The following PHTF2 variants were observed in gnomAD, a reference collection of about 807,000 sequenced individuals.
PHTF2 encodes protein PHTF2.
PHTF2 carries 60 observed loss-of-function variants against 101.2 expected under a neutral mutation model. The ratio of observed to expected loss-of-function variants is 0.59; its 90% CI spans 0.48 to 0.73. The LOEUF is 0.73. PHTF2 is among the 30% of genes least tolerant of loss of function. The pLI is 0.00. For synonymous variants in PHTF2, 311 were observed against 307.3 expected, an observed-to-expected ratio of 1.01 and a Z score of -0.13; for missense variants, 747 against 908.7, an observed-to-expected ratio of 0.82 and a Z score of 2.29.
intron 2 of PHTF2, among the ~76,000 whole-genome samples, chr7:77,851,144 C>T (rs1224427687): frequency 1.3e-5 from 2 of 151,964 alleles, no homozygotes; most frequent in Non-Finnish European, 2.9e-5. Context: ...GAAAGTATTC[C>T]CTCTTTTTCT....
chr7:77,945,338 A>G (rs1243291314), intron 16 of PHTF2, among the ~76,000 whole-genome samples: 3 of 152,252 alleles, frequency 2.0e-5, no homozygotes, highest in African/African-American at 7.2e-5. Flanking sequence ...ACTGTCTCCA[A>G]AAGGAAAAAG....
At chr7:77,944,821 A>AT (rs891967775) in intron 16 of PHTF2, among the ~76,000 whole-genome samples, 1 of 152,256 alleles carries the variant, frequency 6.6e-6, no homozygotes, top group Non-Finnish European at 1.5e-5. Context: ...CAAATGAAAA[A>AT]TACAGTTATT....
exon 17 of PHTF2, chr7:77,949,807 A>G: frequency 6.6e-7 from 1 of 1,520,992 alleles, no homozygotes. Context: ...AAAATATAGT[A>G]ATACCTCAAT....
rs1163568668 is a variant in PHTF2 at position 77,822,674 on chromosome 7, G to C, written c.-35-17547G>C. On this transcript the variant is annotated intron_variant, in intron 1 of 19. Transcript: ENST00000416283. ...TCCTGACTCTGGGCTGATCCAGTCT[G>C]GGTTGGGGAGACAGGGCTGCAGTGG... Among the ~76,000 whole-genome samples, 6 of 152,258 alleles carry C rather than the reference G, an allele frequency of 3.9e-5. No individual in the cohort carries two copies. The East Asian group carries it at 9.6e-4, about 24-fold the overall frequency.
At chr7:77,821,297 A>G (rs568049979) in intron 1 of PHTF2, among the ~76,000 whole-genome samples, 2 of 152,276 alleles carry the variant, frequency 1.3e-5, no homozygotes, top group South Asian at 4.1e-4. Context: ...CAATTTGAAT[A>G]TATTTTGCCT....
intron 1 of PHTF2, among the ~76,000 whole-genome samples, chr7:77,806,149 T>G (rs924689326): frequency 4.0e-5 from 6 of 149,508 alleles, no homozygotes; most frequent in Non-Finnish European, 5.9e-5. Context: ...CACTCTAGCC[T>G]GGGTGACTCC....
At chr7:77,815,084 A>G (rs904140013) in intron 1 of PHTF2, among the ~76,000 whole-genome samples, 1 of 152,084 alleles carries the variant, frequency 6.6e-6, no homozygotes, top group South Asian at 2.1e-4. Context: ...CAAAAATAAA[A>G]TAAAATAAAA....
At chr7:77,804,347 C>G (rs1025935079) in intron 1 of PHTF2, among the ~76,000 whole-genome samples, 2 of 152,098 alleles carry the variant, frequency 1.3e-5, no homozygotes, top group Admixed American at 6.6e-5. Context: ...TTGTTTGATA[C>G]GGAGTTTTGC....
chr7:77,854,884 C>A, intron 3 of PHTF2: 1 of 714,972 alleles, frequency 1.4e-6, no homozygotes, highest in South Asian at 1.5e-5. Flanking sequence ...AGGCTTTGCT[C>A]TGGCCCATGC....
chr7:77,848,128 G>A (rs995405191), intron 2 of PHTF2, among the ~76,000 whole-genome samples: 1 of 152,132 alleles, frequency 6.6e-6, no homozygotes, highest in Non-Finnish European at 1.5e-5. Flanking sequence ...ACTTAGGTTG[G>A]TTCCAAATCT....
Position 77,929,089 on chromosome 7 carries a change from A to T in PHTF2, c.1120-20A>T, listed in dbSNP as rs938326505. The T allele has an allele frequency of 6.4e-7, 1 of 1,570,680 alleles. No homozygotes were observed. Among genetic ancestry groups the T allele is most frequent in the African/African-American group, 1.3e-5 (1 of 74,182 alleles). The stretch of plus-strand genomic sequence containing the variant: ...AGAGTACATAAATTGTATTAATGTC[A>T]AAGAATATCTTGATTTCAGGACGCC... On this transcript the variant is annotated intron_variant, in intron 11 of 19. Coordinates refer to ENST00000416283, the Ensembl canonical transcript of PHTF2.
chr7:77,945,564 C>CA (rs1183540877), intron 16 of PHTF2, among the ~76,000 whole-genome samples: 1 of 151,228 alleles, frequency 6.6e-6, no homozygotes, highest in African/African-American at 2.4e-5. Context: ...ATGATAGCAA[C>CA]AAAAAAATCT....
intron 1 of PHTF2, among the ~76,000 whole-genome samples, chr7:77,832,597 T>C (rs13308280): frequency 6.6e-6 from 1 of 152,166 alleles, no homozygotes; most frequent in Non-Finnish European, 1.5e-5. Flanking sequence ...CTGTTTCCAT[T>C]TCTAACATCG....
intron 1 of PHTF2, among the ~76,000 whole-genome samples, chr7:77,838,760 CCTT>C (rs1391916723): frequency 6.6e-6 from 1 of 152,036 alleles, no homozygotes; most frequent in African/African-American, 2.4e-5. Flanking sequence ...TTGACTCTAA[CCTT>C]CTTTTCTTTC....
At chr7:77,848,326 C>T (rs1796470971) in intron 2 of PHTF2, among the ~76,000 whole-genome samples, 2 of 152,144 alleles carry the variant, frequency 1.3e-5, no homozygotes, top group South Asian at 2.1e-4. Context: ...TTCCTGTCAA[C>T]GATGTACAGG....
At chr7:77,933,634 G>C (rs1804811479) in intron 12 of PHTF2, among the ~76,000 whole-genome samples, 1 of 151,904 alleles carries the variant, frequency 6.6e-6, no homozygotes. Context: ...CTAACAACTG[G>C]AGTTAAGATT....
At chr7:77,947,245 CT>C (rs1229051832) in intron 16 of PHTF2, among the ~76,000 whole-genome samples, 4 of 152,072 alleles carry the variant, frequency 2.6e-5, no homozygotes, top group Admixed American at 2.6e-4. Flanking sequence ...CAGGATAAAA[CT>C]TTATTGAAAA....
chr7:77,803,921 C>G (rs1792768501), intron 1 of PHTF2, among the ~76,000 whole-genome samples: 1 of 152,032 alleles, frequency 6.6e-6, no homozygotes, highest in Non-Finnish European at 1.5e-5. Flanking sequence ...ACATCAAACT[C>G]ATTAAACCAG....
chr7:77,886,375 A>G (rs1268462132), intron 3 of PHTF2, among the ~76,000 whole-genome samples: 1 of 152,162 alleles, frequency 6.6e-6, no homozygotes, highest in Non-Finnish European at 1.5e-5. Context: ...AAGTTGTTTC[A>G]TAGGAGCCAG....
Sources: gnomAD v4.1 joint callset for allele counts (sites outside exome capture counted in the v4.1 genomes callset) on GRCh38, gnomAD v4.1.1 for gene constraint, MANE v1.5 for transcripts, NCBI Gene and HGNC (gene_info 2026-07-23, HGNC 2026-07-21) for gene names.